The following SLC9A8 variants were observed in gnomAD, a reference collection of about 807,000 sequenced individuals.
The protein encoded by SLC9A8 is sodium/hydrogen exchanger 8.
SLC9A8 carries 48 observed loss-of-function variants against 66.6 expected under a neutral mutation model. The observed-to-expected ratio is 0.72, with a 90% CI of 0.57 to 0.92. SLC9A8 has a LOEUF of 0.92. Among genes scored for constraint, SLC9A8 ranks in the 40% least tolerant of loss-of-function variants. The pLI is 0.00. For synonymous variants in SLC9A8, 274 were observed against 282.6 expected, an observed-to-expected ratio of 0.97 and a Z score of 0.31; for missense variants, 599 against 747.3, an observed-to-expected ratio of 0.80 and a Z score of 2.31.
intron 10 of SLC9A8, among the ~76,000 whole-genome samples, chr20:49,873,477 G>A (rs1363325376): frequency 1.1e-5 from 1 of 89,706 alleles, no homozygotes; most frequent in Non-Finnish European, 2.0e-5. Flanking sequence ...GCGAAACCCT[G>A]TCTCCAAAAA....
At chr20:49,852,006 C>G (rs975952349) in intron 7 of SLC9A8, among the ~76,000 whole-genome samples, 7 of 152,180 alleles carry the variant, frequency 4.6e-5, no homozygotes, top group African/African-American at 1.7e-4. Flanking sequence ...AGGAATTGCC[C>G]TGTAGACACA....
chr20:49,850,878 G>A (rs1241202238), intron 7 of SLC9A8, 34 bp downstream of exon 7: 8 of 1,509,786 alleles, frequency 5.3e-6, no homozygotes, highest in Non-Finnish European at 7.3e-6. Context: ...CCATGCGACT[G>A]CTTTTCAGAC....
chr20:49,860,323 C>T (rs149970801), intron 8 of SLC9A8, among the ~76,000 whole-genome samples: 140 of 152,296 alleles, frequency 9.2e-4, no homozygotes, highest in Middle Eastern at 3.4e-3. Context: ...CAAGACTTCT[C>T]AGACCTTTAT....
At position 49,844,319 on chromosome 20, in the gene SLC9A8, T is replaced by C. The variant is rs1018899734; in HGVS notation, c.349-717T>C. On this transcript the variant is annotated intron_variant, in intron 4 of 15. Coordinates refer to ENST00000361573, the MANE Select transcript of SLC9A8 (RefSeq NM_015266.3). ...TTTACTGTTCCTCTGAGTGGATTGTTTTAGGGCTTGCCATTACCTTTTTCC... is the reference window on the plus strand; with the variant it reads ...TTTACTGTTCCTCTGAGTGGATTGTCTTAGGGCTTGCCATTACCTTTTTCC... 3.3e-5 allele frequency among the ~76,000 whole-genome samples: 5 copies of C among 152,194 alleles called. No individual in the cohort carries two copies. In the East Asian group the frequency reaches 9.6e-4, roughly 29 times the overall value.
chr20:49,878,734 C>T (rs1311219034), intron 12 of SLC9A8, among the ~76,000 whole-genome samples: 4 of 152,094 alleles, frequency 2.6e-5, no homozygotes, highest in Non-Finnish European at 4.4e-5. Context: ...AGTATAATAG[C>T]CTAGGCTGGG....
At chr20:49,822,274 T>C (rs1326635925) in intron 2 of SLC9A8, among the ~76,000 whole-genome samples, 2 of 152,168 alleles carry the variant, frequency 1.3e-5, no homozygotes, top group Non-Finnish European at 2.9e-5. Context: ...TACTTCCCTC[T>C]ATGTTAAGAG....
chr20:49,826,792 T>C (rs2086928893), intron 3 of SLC9A8, among the ~76,000 whole-genome samples: 2 of 152,234 alleles, frequency 1.3e-5, no homozygotes, highest in South Asian at 4.1e-4. Context: ...AGAAAAATCT[T>C]GTTTATTGAC....
chr20:49,839,081 T>A (rs139902352), intron 3 of SLC9A8, among the ~76,000 whole-genome samples: 24 of 152,386 alleles, frequency 1.6e-4, no homozygotes, highest in Admixed American at 9.1e-4. Flanking sequence ...TTTAGGTTAT[T>A]TTCAGCATTT....
chr20:49,883,990 G>A lies in SLC9A8; in HGVS notation c.1415G>A (p.Arg472His), dbSNP rs745943307. The change falls in exon 14 of 16, where the codon CGC becomes CAC. Residue 472 changes from arginine to histidine, a missense_variant. Transcript: ENST00000361573. ...GGCGGCAGCACCATGCCCCTCATTC[G>A]CCTCATGGACATCGAGGACGCCAAG... ...LLGGSTMPLI[R>H]LMDIEDAKAH... is the part of the protein sequence containing the mutation. 3 of 1,613,452 alleles carry A rather than the reference G, an allele frequency of 1.9e-6. No individual in the cohort carries two copies. Among genetic ancestry groups the A allele is most frequent in the Non-Finnish European group, 2.5e-6 (3 of 1,179,988 alleles).
Position 49,874,689 on chromosome 20 carries a change from T to C in SLC9A8, c.959-16T>C, listed in dbSNP as rs200416319. On this transcript the variant is annotated splice_polypyrimidine_tract_variant and intron_variant, in intron 10 of 15. Coordinates refer to ENST00000361573, the MANE Select transcript of SLC9A8 (RefSeq NM_015266.3). ...TCACACGGCAGTGCTTTCTGTTCTG[T>C]TCTCTCCCTCTCTAGGCATCATGGC... The C allele has an allele frequency of 7.6e-5, 112 of 1,482,572 alleles. 2 individuals carry two copies. The South Asian group carries it at 1.2e-3, about 16-fold the overall frequency. 91.8% of individuals were successfully genotyped at this position (1,482,572 alleles called of 1,614,324 possible). A position where few individuals can be genotyped will look rare whatever the true frequency, so the allele number is the denominator to read the frequency against.
chr20:49,834,449 ACTGTATATATATATACTGT>A (rs2087442604), intron 3 of SLC9A8, among the ~76,000 whole-genome samples: 1 of 67,964 alleles, frequency 1.5e-5, no homozygotes, highest in Non-Finnish European at 3.4e-5. Flanking sequence ...ATATATATAT[ACTGTATATATATATACTGT>A]GTATATATAT....
intron 7 of SLC9A8, among the ~76,000 whole-genome samples, chr20:49,854,690 C>T (rs576855795): frequency 1.3e-5 from 2 of 152,298 alleles, no homozygotes; most frequent in East Asian, 3.9e-4. Flanking sequence ...GGACAAGTTA[C>T]TTCATCATCC....
intron 12 of SLC9A8, among the ~76,000 whole-genome samples, chr20:49,880,674 C>CT (rs1323150100): frequency 3.3e-5 from 5 of 152,236 alleles, no homozygotes; most frequent in African/African-American, 1.2e-4. Context: ...TCCGTCCTCT[C>CT]TTTTCTGGCT....
At chr20:49,877,455 C>T (rs2089466737) in intron 11 of SLC9A8, among the ~76,000 whole-genome samples, 5 of 152,030 alleles carry the variant, frequency 3.3e-5, no homozygotes, top group Non-Finnish European at 4.4e-5. Flanking sequence ...CTTTTTGGCT[C>T]GCAGAGTGGA....
At chr20:49,834,383 ACT>A (rs1491423749) in intron 3 of SLC9A8, among the ~76,000 whole-genome samples, 7 of 40,164 alleles carry the variant, frequency 1.7e-4, no homozygotes, top group Non-Finnish European at 1.4e-4. Context: ...ATATATATAT[ACT>A]GTGTATATAT....
At chr20:49,869,176 G>C (rs2089092769) in intron 10 of SLC9A8, among the ~76,000 whole-genome samples, 1 of 152,146 alleles carries the variant, frequency 6.6e-6, no homozygotes, top group African/African-American at 2.4e-5. Flanking sequence ...CTTTGGGCTT[G>C]AAGGATGAGT....
chr20:49,863,249 T>TA (rs2088822549), intron 9 of SLC9A8, among the ~76,000 whole-genome samples, 182 bp downstream of exon 9: 1 of 152,228 alleles, frequency 6.6e-6, no homozygotes, highest in Non-Finnish European at 1.5e-5. Context: ...TAATCTAACG[T>TA]GAAATTTAGG....
intron 3 of SLC9A8, among the ~76,000 whole-genome samples, chr20:49,836,310 T>A (rs530503675): frequency 6.6e-6 from 1 of 152,312 alleles, no homozygotes; most frequent in Non-Finnish European, 1.5e-5. Flanking sequence ...GTTTACTCAC[T>A]CATTAGTTGA....
intron 10 of SLC9A8, 49 bp from the exon 11 acceptor site, chr20:49,874,656 G>A: frequency 8.6e-7 from 1 of 1,164,674 alleles, no homozygotes; most frequent in South Asian, 1.2e-5. Flanking sequence ...TGAGATCTGA[G>A]TTGGGGATCA....
Sources: gnomAD v4.1 joint callset for allele counts (sites outside exome capture counted in the v4.1 genomes callset) on GRCh38, gnomAD v4.1.1 for gene constraint, MANE v1.5 for transcripts, NCBI Gene and HGNC (gene_info 2026-07-23, HGNC 2026-07-21) for gene names.